The following ESRRG variants were observed in gnomAD, a reference collection of about 807,000 sequenced individuals.
The protein encoded by ESRRG is estrogen related receptor gamma, also known as estrogen-related receptor gamma.
A neutral mutation model predicts 44.0 loss-of-function variants in ESRRG; 13 were observed. The ratio of observed to expected loss-of-function variants is 0.30; its 90% CI spans 0.19 to 0.47. The LOEUF is 0.47. ESRRG is among the 20% of genes least tolerant of loss of function. The pLI, the probability that ESRRG is intolerant of heterozygous loss-of-function variation, is 1.00. For synonymous variants in ESRRG, 215 were observed against 214.6 expected (o/e 1.00, Z -0.02); for missense variants, 395 against 580.6 (o/e 0.68, Z 3.29).
At chr1:216,917,430 T>C (rs2061336886) in intron 2 of ESRRG, among the ~76,000 whole-genome samples, 1 of 152,166 alleles carries the variant, frequency 6.6e-6, no homozygotes, top group Non-Finnish European at 1.5e-5. Context: ...GATGTTATGT[T>C]TCTCATCCAT....
chr1:216,592,729 A>T (rs913333109), intron 3 of ESRRG, among the ~76,000 whole-genome samples: 2 of 152,070 alleles, frequency 1.3e-5, no homozygotes, highest in African/African-American at 4.8e-5. Flanking sequence ...CAAACTCCTG[A>T]CCTCAGGTGA....
chr1:216,733,695 A>G (rs757617060), intron 2 of ESRRG, among the ~76,000 whole-genome samples: 8 of 152,072 alleles, frequency 5.3e-5, no homozygotes, highest in Non-Finnish European at 1.2e-4. Flanking sequence ...CACAGGGTAG[A>G]TAAAACACTC....
intron 2 of ESRRG, among the ~76,000 whole-genome samples, chr1:216,933,448 A>ATT (rs1560166042): frequency 5.3e-5 from 8 of 151,694 alleles, no homozygotes; most frequent in African/African-American, 1.5e-4. Context: ...AAAAAAAAAA[A>ATT]TTCGTTTGAA....
At chr1:216,630,915 A>AT (rs11572719) in intron 3 of ESRRG, among the ~76,000 whole-genome samples, 1 of 151,854 alleles carries the variant, frequency 6.6e-6, no homozygotes, top group Non-Finnish European at 1.5e-5. Context: ...AAAGAGTGAG[A>AT]TTTTTCATCA....
intron 2 of ESRRG, among the ~76,000 whole-genome samples, chr1:216,929,850 T>C (rs998975598): frequency 1.3e-5 from 2 of 152,146 alleles, no homozygotes; most frequent in African/African-American, 2.4e-5. Context: ...ATGCTACATC[T>C]GTGATCCCTT....
chr1:216,627,133 C>T (rs544640911), intron 3 of ESRRG, among the ~76,000 whole-genome samples: 9 of 152,270 alleles, frequency 5.9e-5, no homozygotes, highest in East Asian at 3.9e-4. Context: ...TGATTTGATA[C>T]GGAGAGCCTT....
chr1:217,131,156 T>A (rs1306922260), intron 1 of ESRRG, among the ~76,000 whole-genome samples: 1 of 152,202 alleles, frequency 6.6e-6, no homozygotes, highest in Non-Finnish European at 1.5e-5. Flanking sequence ...AGTTCAGTTG[T>A]CCATTAATTG....
intron 2 of ESRRG, among the ~76,000 whole-genome samples, chr1:216,840,005 C>T (rs537153884): frequency 6.6e-6 from 1 of 152,182 alleles, no homozygotes; most frequent in Admixed American, 6.5e-5. Flanking sequence ...TTAAAGTCAA[C>T]AGCTGCAGTA....
intron 1 of ESRRG, among the ~76,000 whole-genome samples, chr1:217,107,972 C>T (rs1044865452): frequency 2.0e-5 from 3 of 151,972 alleles, no homozygotes; most frequent in African/African-American, 7.3e-5. Flanking sequence ...CTATTTAAAG[C>T]ATGTCATTCC....
chr1:216,977,061 T>C (rs2073075182), intron 1 of ESRRG, among the ~76,000 whole-genome samples: 1 of 152,154 alleles, frequency 6.6e-6, no homozygotes, highest in Non-Finnish European at 1.5e-5. Context: ...AGTAGAATCT[T>C]GCTCGCTCTC....
intron 3 of ESRRG, among the ~76,000 whole-genome samples, chr1:216,572,009 C>A (rs1376157793): frequency 1.3e-5 from 2 of 152,110 alleles, no homozygotes; most frequent in Admixed American, 6.6e-5. Context: ...CATCCCCTGT[C>A]AAAAGCAGGC....
At chr1:216,942,277 AT>A (rs768759071) in intron 1 of ESRRG, among the ~76,000 whole-genome samples, 4 of 152,124 alleles carry the variant, frequency 2.6e-5, no homozygotes, top group Non-Finnish European at 5.9e-5. Flanking sequence ...GGTATTCCAT[AT>A]TCTATAGGTA....
intron 1 of ESRRG, among the ~76,000 whole-genome samples, chr1:217,044,701 A>C (rs908958942): frequency 8.5e-5 from 13 of 152,316 alleles, no homozygotes; most frequent in East Asian, 1.9e-4. Context: ...TTTAAGAAAA[A>C]AACCAGCTCT....
chr1:216,978,200 C>T (rs566360429), intron 1 of ESRRG, among the ~76,000 whole-genome samples: 1 of 152,190 alleles, frequency 6.6e-6, no homozygotes, highest in Admixed American at 6.5e-5. Flanking sequence ...AATTCACCAC[C>T]CCCAACTCCC....
At chr1:216,849,414 A>G (rs1159513874) in intron 2 of ESRRG, among the ~76,000 whole-genome samples, 1 of 152,298 alleles carries the variant, frequency 6.6e-6, no homozygotes, top group African/African-American at 2.4e-5. Flanking sequence ...ACAATGCTAC[A>G]CAAGTCATTA....
chr1:216,538,617 C>A (rs1015141261), intron 5 of ESRRG, among the ~76,000 whole-genome samples: 2 of 152,038 alleles, frequency 1.3e-5, no homozygotes, highest in Non-Finnish European at 2.9e-5. Flanking sequence ...GAAAACGCAG[C>A]AAATGCATCC....
chr1:216,547,929 T>C (rs1157114539), intron 5 of ESRRG, among the ~76,000 whole-genome samples: 1 of 152,090 alleles, frequency 6.6e-6, no homozygotes, highest in Non-Finnish European at 1.5e-5. Context: ...GGTACAAAGC[T>C]TCAAAGGCAT....
chr1:216,527,369 G>A (rs1405348577), intron 5 of ESRRG, among the ~76,000 whole-genome samples: 1 of 151,878 alleles, frequency 6.6e-6, no homozygotes, highest in Non-Finnish European at 1.5e-5. Context: ...TCCTACCCAG[G>A]GCTAGTCAAG....
intron 2 of ESRRG, among the ~76,000 whole-genome samples, chr1:216,758,869 A>G (rs1356678507): frequency 1.3e-5 from 2 of 152,060 alleles, no homozygotes; most frequent in Non-Finnish European, 2.9e-5. Context: ...ATTATTTAGC[A>G]TAGACATGGT....
Sources: allele counts gnomAD v4.1 joint callset (sites outside exome capture counted in the v4.1 genomes callset), GRCh38; gene constraint gnomAD v4.1.1; transcripts MANE v1.5; gene names NCBI Gene and HGNC (gene_info 2026-07-23, HGNC 2026-07-21).